Variants in UBE3C observed in about 807,000 individuals in gnomAD.
UBE3C encodes ubiquitin-protein ligase E3C.
UBE3C carries 42 observed loss-of-function variants against 129.4 expected under a neutral mutation model. The observed-to-expected ratio is 0.32, with a 90% confidence interval of 0.25 to 0.42. The LOEUF (loss-of-function observed/expected upper bound fraction) is 0.42, where lower values mean the gene tolerates loss of function less well. UBE3C is among the 10% of genes least tolerant of loss of function. The pLI, the probability that UBE3C is intolerant of heterozygous loss-of-function variation, is 1.00. For synonymous variants in UBE3C, 510 were observed against 492.4 expected (o/e 1.04, Z -0.47); for missense variants, 1,049 against 1,319.1 (o/e 0.80, Z 3.17).
intron 13 of UBE3C, among the ~76,000 whole-genome samples, chr7:157,215,243 A>G (rs983930872): frequency 6.6e-6 from 1 of 152,110 alleles, no homozygotes; most frequent in African/African-American, 2.4e-5. Flanking sequence ...GGGTGTCCAC[A>G]TTGTAGTGGC....
In UBE3C at chr7:157,229,692, A is replaced by G. The variant is rs905792288; in HGVS notation, c.2234-1388A>G. ...AGCCAGGCTGGAGTGCAGTGGTGCA[A>G]TCATAGCTCACTGCAGCCTCAAACT... On this transcript the variant is annotated intron_variant, in intron 17 of 22. Transcript: ENST00000348165. 4.1e-4 allele frequency among the ~76,000 whole-genome samples: 62 copies of G among 152,074 alleles called. 1 individual carries two copies. Among genetic ancestry groups the G allele is most frequent in the African/African-American group, 1.5e-3 (61 of 41,480 alleles).
chr7:157,139,532 C>A (rs949314224), intron 1 of UBE3C, among the ~76,000 whole-genome samples, 194 bp downstream of exon 1: 17 of 151,802 alleles, frequency 1.1e-4, no homozygotes, highest in Non-Finnish European at 2.5e-4. Context: ...GGGTTGGACT[C>A]GGAGCCGAGA....
At chr7:157,163,965 A>G in intron 2 of UBE3C, 102 bp downstream of exon 2, 1 of 1,072,378 alleles carries the variant, frequency 9.3e-7, no homozygotes. Context: ...TGTATTTTTT[A>G]TATATGACAG....
At chr7:157,189,076 G>A in intron 10 of UBE3C, 1 of 418,908 alleles carries the variant, frequency 2.4e-6, no homozygotes, top group Non-Finnish European at 4.3e-6. Flanking sequence ...TAAGAAGGAT[G>A]GAAAAAATAG....
chr7:157,140,965 C>T (rs1807429274), intron 1 of UBE3C, among the ~76,000 whole-genome samples: 1 of 152,196 alleles, frequency 6.6e-6, no homozygotes, highest in South Asian at 2.1e-4. Flanking sequence ...GAGAGGGAAG[C>T]TGGGTAGGGA....
intron 1 of UBE3C, among the ~76,000 whole-genome samples, chr7:157,150,704 A>C (rs1301636330): frequency 6.6e-6 from 1 of 152,198 alleles, no homozygotes; most frequent in Non-Finnish European, 1.5e-5. Context: ...TGTTAATGGA[A>C]ATAAGTAGAT....
At chr7:157,171,682 ATATATTTTTTTTTTTTTTTTTT>A (rs1297886153) in intron 4 of UBE3C, among the ~76,000 whole-genome samples, 1,260 of 44,910 alleles carry the variant, frequency 0.028, 56 homozygotes, top group African/African-American at 0.059. Context: ...ATATATATAT[ATATATTTTTTTTTTTTTTTTTT>A]TTTTTTTTTT....
intron 21 of UBE3C, among the ~76,000 whole-genome samples, chr7:157,254,607 A>G (rs182708297): frequency 6.6e-6 from 1 of 151,956 alleles, no homozygotes; most frequent in Non-Finnish European, 1.5e-5. Context: ...CATGTTGGCC[A>G]GGCTGGTTTC....
At chr7:157,249,221 C>T (rs975502279) in intron 19 of UBE3C, among the ~76,000 whole-genome samples, 1 of 152,166 alleles carries the variant, frequency 6.6e-6, no homozygotes, top group Non-Finnish European at 1.5e-5. Context: ...TACAGAGCAA[C>T]CGTGCACCCA....
In UBE3C at chr7:157,187,049, G is replaced by C. The variant is rs1441055834; in HGVS notation, c.1331+28G>C. On this transcript the variant is annotated intron_variant, in intron 10 of 22. Coordinates refer to ENST00000348165, the MANE Select transcript of UBE3C (RefSeq NM_014671.3). ...AAGTGTCCGTGGGCGTCTGTGCCAG[G>C]GGGTGCCAGCCAGAGAACATACCTT... The C allele has an allele frequency of 1.7e-5, 27 of 1,562,252 alleles. 1 individual carries two copies. The East Asian group carries it at 6.4e-4, about 37-fold the overall frequency.
chr7:157,161,640 G>A (rs1420004820), intron 1 of UBE3C, among the ~76,000 whole-genome samples: 1 of 151,962 alleles, frequency 6.6e-6, no homozygotes, highest in African/African-American at 2.4e-5. Flanking sequence ...TTTTTGTGGA[G>A]ATAGGGTTTC....
intron 9 of UBE3C, 65 bp downstream of exon 9, chr7:157,184,094 T>C: frequency 6.3e-7 from 1 of 1,578,196 alleles, no homozygotes. Flanking sequence ...CTTCTAGCTT[T>C]CTGTCCACCC....
rs374198589 is a variant in UBE3C at position 157,183,962 on chromosome 7, C to T, written c.1076C>T (p.Ala359Val). ...CAGTTACCAGTCTCTCCTGCCAGCG[C>T]GAGCTGTCACGACTCAGCCAGTGAC... ...LSQLPVSPAS[A>V]SCHDSASDSE... The change falls in exon 9 of 23, where the codon GCG (alanine) becomes GTG (valine). Residue 359 changes from alanine (A) to valine (V), a missense_variant. Transcript: ENST00000348165. 1.5e-5 allele frequency: 24 copies of T among 1,614,158 alleles called. No individual in the cohort carries two copies. The highest frequency in any genetic ancestry group is 8.3e-5 in the Admixed American group (5 of 60,020).
At chr7:157,156,239 G>A (rs551564098) in intron 1 of UBE3C, among the ~76,000 whole-genome samples, 6 of 150,820 alleles carry the variant, frequency 4.0e-5, no homozygotes, top group Non-Finnish European at 7.4e-5. Flanking sequence ...ATTCAGATGG[G>A]AATGTAAACA....
At chr7:157,231,464 G>A (rs1796019901) in intron 18 of UBE3C, 137 bp downstream of exon 18, 1 of 1,314,872 alleles carries the variant, frequency 7.6e-7, no homozygotes, top group Non-Finnish European at 1.0e-6. Flanking sequence ...CAAAAGCACT[G>A]CACGAAACAA....
At chr7:157,201,892 A>G in intron 11 of UBE3C, 85 bp downstream of exon 11, 1 of 1,139,402 alleles carries the variant, frequency 8.8e-7, no homozygotes, top group Middle Eastern at 2.0e-4. Flanking sequence ...ACCTGTTTTT[A>G]AGTCCTGTTT....
At chr7:157,257,170 A>T in intron 22 of UBE3C, 126 bp downstream of exon 22, 1 of 1,299,982 alleles carries the variant, frequency 7.7e-7, no homozygotes, top group African/African-American at 1.5e-5. Flanking sequence ...CTAGATTTTT[A>T]ATTAAGTACT....
At chr7:157,180,190 T>C (rs1305881747) in intron 6 of UBE3C, among the ~76,000 whole-genome samples, 1 of 152,232 alleles carries the variant, frequency 6.6e-6, no homozygotes, top group Non-Finnish European at 1.5e-5. Flanking sequence ...CCTTTTAAAT[T>C]ATAGTATTAC....
At chr7:157,171,678 ATATATATATTTTTTTTTTTT>A in intron 4 of UBE3C, among the ~76,000 whole-genome samples, 1 of 32,162 alleles carries the variant, frequency 3.1e-5, no homozygotes, top group Admixed American at 3.8e-4. Context: ...ATATATATAT[ATATATATATTTTTTTTTTTT>A]TTTTTTTTTT....
Sources: gnomAD v4.1 joint callset for allele counts (sites outside exome capture counted in the v4.1 genomes callset) on GRCh38, gnomAD v4.1.1 for gene constraint, MANE v1.5 for transcripts, NCBI Gene and HGNC (gene_info 2026-07-23, HGNC 2026-07-21) for gene names.